The following PHLPP1 variants were observed in gnomAD, a reference collection of about 807,000 sequenced individuals.
PHLPP1 encodes the protein PH domain and leucine rich repeat protein phosphatase 1.
In PHLPP1, 42 loss-of-function variants were observed where a neutral mutation model predicts 117.2. The ratio of observed to expected loss-of-function variants is 0.36; its 90% CI spans 0.28 to 0.46. The LOEUF (loss-of-function observed/expected upper bound fraction) is 0.46. Ranked by LOEUF, PHLPP1 falls within the 20% of genes least tolerant of loss-of-function variation. The probability of loss-of-function intolerance (pLI) is 1.00; values close to 1 mark genes in which losing one functional copy is unlikely to be tolerated. For synonymous variants in PHLPP1, 1,042 were observed against 970.7 expected, an observed-to-expected ratio of 1.07 and a Z score of -1.37; for missense variants, 2,084 against 2,241.9, an observed-to-expected ratio of 0.93 and a Z score of 1.42.
At chr18:62,891,037 G>A (rs940307079) in intron 4 of PHLPP1, among the ~76,000 whole-genome samples, 1 of 152,112 alleles carries the variant, frequency 6.6e-6, no homozygotes, top group African/African-American at 2.4e-5. Context: ...GGATAGGGGA[G>A]GAAGCACCAG....
In PHLPP1 at chr18:62,845,164, A is replaced by T. The variant is rs140204939; in HGVS notation, c.1899+6255A>T. On this transcript the variant is annotated intron_variant, in intron 3 of 16. Coordinates refer to ENST00000262719, the MANE Select transcript of PHLPP1 (RefSeq NM_194449.4). ...AGCATGGTAAATTCAGGCCTCCTGGAGGGCCATGAACCTGTCTACATGTCT... is the reference window on the plus strand; with the variant it reads ...AGCATGGTAAATTCAGGCCTCCTGGTGGGCCATGAACCTGTCTACATGTCT... Among the ~76,000 whole-genome samples, 17 of 152,264 alleles carry T rather than the reference A, an allele frequency of 1.1e-4. No homozygotes were observed. In the East Asian group the frequency reaches 1.5e-3, roughly 14 times the overall value.
At chr18:62,742,855 C>A (rs1260070935) in intron 1 of PHLPP1, among the ~76,000 whole-genome samples, 1 of 152,186 alleles carries the variant, frequency 6.6e-6, no homozygotes, top group Non-Finnish European at 1.5e-5. Context: ...ATAAAATTCC[C>A]TGCTGTATAT....
intron 3 of PHLPP1, among the ~76,000 whole-genome samples, chr18:62,855,198 GA>G (rs968184478): frequency 4.6e-5 from 7 of 151,816 alleles, no homozygotes; most frequent in Non-Finnish European, 8.8e-5. Context: ...TTGTTACTTG[GA>G]AAAGGAAAAC....
At chr18:62,897,447 A>AAATCAG (rs1283397778) in intron 6 of PHLPP1, among the ~76,000 whole-genome samples, 1 of 152,176 alleles carries the variant, frequency 6.6e-6, no homozygotes, top group Admixed American at 6.5e-5. Context: ...GAGGAGGGGA[A>AAATCAG]AATCAGATAG....
chr18:62,851,962 A>G (rs1333002031), intron 3 of PHLPP1, among the ~76,000 whole-genome samples: 2 of 151,248 alleles, frequency 1.3e-5, no homozygotes, highest in East Asian at 3.9e-4. Context: ...CTGCAGCCTC[A>G]AGCTTCTGGG....
At chr18:62,776,755 A>G (rs904195534) in intron 1 of PHLPP1, among the ~76,000 whole-genome samples, 4 of 151,720 alleles carry the variant, frequency 2.6e-5, no homozygotes, top group East Asian at 1.9e-4. Flanking sequence ...GATTACAGGT[A>G]CCCGCCACCA....
chr18:62,939,990 TTCA>T (rs1910081538), intron 10 of PHLPP1, among the ~76,000 whole-genome samples: 1 of 152,104 alleles, frequency 6.6e-6, no homozygotes, highest in Non-Finnish European at 1.5e-5. Flanking sequence ...AATAGTGTGG[TTCA>T]TCAACAGGGT....
intron 4 of PHLPP1, among the ~76,000 whole-genome samples, chr18:62,863,479 A>G (rs775154647): frequency 1.3e-5 from 2 of 152,232 alleles, no homozygotes; most frequent in African/African-American, 2.4e-5. Context: ...CTGGGATTAC[A>G]GGCATGAGCC....
chr18:62,946,373 C>T (rs925645219), intron 12 of PHLPP1, among the ~76,000 whole-genome samples: 2 of 152,224 alleles, frequency 1.3e-5, no homozygotes, highest in South Asian at 2.1e-4. Flanking sequence ...TCAAGCGATT[C>T]GCTCGCCGCA....
intron 4 of PHLPP1, among the ~76,000 whole-genome samples, chr18:62,863,181 CTT>C (rs1202723005): frequency 6.6e-6 from 1 of 151,446 alleles, no homozygotes. Flanking sequence ...CTCTCTCTCT[CTT>C]TTCTCTCTCT....
intron 4 of PHLPP1, among the ~76,000 whole-genome samples, chr18:62,881,817 G>T (rs1221235660): frequency 6.6e-6 from 1 of 152,238 alleles, no homozygotes; most frequent in Non-Finnish European, 1.5e-5. Context: ...CCAAGAAACT[G>T]AGAAGATGTG....
intron 10 of PHLPP1, among the ~76,000 whole-genome samples, chr18:62,934,503 A>G (rs527457898): frequency 3.8e-4 from 58 of 152,300 alleles, no homozygotes; most frequent in Admixed American, 1.1e-3. Flanking sequence ...TTCTTAATAC[A>G]TGGGGGCTAA....
chr18:62,745,536 T>G (rs1911650185), intron 1 of PHLPP1, among the ~76,000 whole-genome samples: 1 of 152,160 alleles, frequency 6.6e-6, no homozygotes, highest in Non-Finnish European at 1.5e-5. Flanking sequence ...TGGTGAGAAC[T>G]CTCATTGAGA....
At chr18:62,842,444 A>G (rs2144344201) in intron 3 of PHLPP1, among the ~76,000 whole-genome samples, 1 of 151,702 alleles carries the variant, frequency 6.6e-6, no homozygotes, top group East Asian at 1.9e-4. Context: ...GCTCACTGCA[A>G]CCTCCATCTC....
intron 1 of PHLPP1, among the ~76,000 whole-genome samples, chr18:62,789,289 T>A (rs1913389364): frequency 6.6e-6 from 1 of 152,168 alleles, no homozygotes; most frequent in South Asian, 2.1e-4. Flanking sequence ...GTAGGTGACA[T>A]TTTTGTCTTA....
At chr18:62,732,228 C>G (rs1238815505) in intron 1 of PHLPP1, among the ~76,000 whole-genome samples, 1 of 152,178 alleles carries the variant, frequency 6.6e-6, no homozygotes, top group Admixed American at 6.5e-5. Context: ...TGGCTTCCTT[C>G]AAAGGATAGG....
intron 3 of PHLPP1, 119 bp from the exon 4 acceptor site, chr18:62,860,316 A>T: frequency 1.2e-6 from 1 of 807,688 alleles, no homozygotes; most frequent in South Asian, 1.7e-5. Flanking sequence ...TTATATTTGG[A>T]CTAACAGTGC....
chr18:62,841,822 T>C (rs1200520314), intron 3 of PHLPP1, among the ~76,000 whole-genome samples: 2 of 152,200 alleles, frequency 1.3e-5, no homozygotes, highest in African/African-American at 4.8e-5. Context: ...TTTGATTTGA[T>C]TATCTTAGAT....
chr18:62,852,991 C>T (rs1040391636), intron 3 of PHLPP1, among the ~76,000 whole-genome samples: 18 of 152,158 alleles, frequency 1.2e-4, no homozygotes, highest in African/African-American at 3.6e-4. Flanking sequence ...CCCAGCTACA[C>T]TCAGAGGAGG....
Sources: gnomAD v4.1 joint callset for allele counts (sites outside exome capture counted in the v4.1 genomes callset) on GRCh38, gnomAD v4.1.1 for gene constraint, MANE v1.5 for transcripts, NCBI Gene and HGNC (gene_info 2026-07-23, HGNC 2026-07-21) for gene names.